Variants in PTK2B observed in about 807,000 individuals in gnomAD.
PTK2B encodes protein tyrosine kinase 2 beta.
A neutral mutation model predicts 142.9 loss-of-function variants in PTK2B; 71 were observed. The observed-to-expected ratio is 0.50, with a 90% CI of 0.41 to 0.61. PTK2B has a LOEUF of 0.61. Ranked by LOEUF, PTK2B falls within the 20% of genes least tolerant of loss-of-function variation. The probability of loss-of-function intolerance (pLI) is 0.00; values close to 1 mark genes in which losing one functional copy is unlikely to be tolerated. For synonymous variants in PTK2B, 519 were observed against 503.4 expected, an observed-to-expected ratio of 1.03 and a Z score of -0.42; for missense variants, 1,105 against 1,320.4, an observed-to-expected ratio of 0.84 and a Z score of 2.53.
chr8:27,318,623 C>G (rs1652931314), intron 3 of PTK2B, among the ~76,000 whole-genome samples: 1 of 152,250 alleles, frequency 6.6e-6, no homozygotes, highest in South Asian at 2.1e-4. Context: ...CATGTGTCCT[C>G]TGTGGCATTG....
intron 13 of PTK2B, 142 bp from the exon 14 acceptor site, chr8:27,435,601 G>A (rs1810720448): frequency 3.1e-6 from 3 of 958,052 alleles, no homozygotes; most frequent in Non-Finnish European, 4.8e-6. Flanking sequence ...TAAAACCTGG[G>A]CTGGGAGCCC....
chr8:27,437,320 C>G, intron 16 of PTK2B, 76 bp from the exon 17 acceptor site: 1 of 1,548,402 alleles, frequency 6.5e-7, no homozygotes, highest in South Asian at 1.1e-5. Flanking sequence ...GTCCTCCCAG[C>G]TAGAAGAGCA....
intron 20 of PTK2B, 117 bp downstream of exon 20, chr8:27,439,515 T>A: frequency 8.7e-7 from 1 of 1,147,008 alleles, no homozygotes; most frequent in Non-Finnish European, 1.3e-6. Context: ...CCCAGGGTTC[T>A]ATTTTGCTGT....
chr8:27,393,446 CAG>C (rs1807844525), intron 1 of PTK2B, among the ~76,000 whole-genome samples: 1 of 151,970 alleles, frequency 6.6e-6, no homozygotes. Context: ...GCTCTTGAAT[CAG>C]GGGCCAAGGG....
intron 1 of PTK2B, among the ~76,000 whole-genome samples, chr8:27,367,134 A>G (rs528463137): frequency 6.6e-6 from 1 of 152,342 alleles, no homozygotes; most frequent in South Asian, 2.1e-4. Flanking sequence ...TTAAATGTTT[A>G]CTTTCACCAA....
intron 3 of PTK2B, 84 bp from the exon 4 acceptor site, chr8:27,420,573 G>T (rs1395482998): frequency 1.1e-5 from 15 of 1,315,964 alleles, no homozygotes; most frequent in Non-Finnish European, 1.5e-5. Context: ...TAGGGGATGG[G>T]CTTGCTTCTG....
chr8:27,311,057 C>G (rs1312316455), upstream of PTK2B: 1 of 1,597,770 alleles, frequency 6.3e-7, no homozygotes, highest in Non-Finnish European at 8.5e-7. Flanking sequence ...GCGGTCTTTG[C>G]ACACTGGGCA....
intron 1 of PTK2B, among the ~76,000 whole-genome samples, chr8:27,389,660 A>C (rs761103734): frequency 1.3e-5 from 2 of 152,260 alleles, no homozygotes; most frequent in South Asian, 2.1e-4. Context: ...TAAAGTCTCA[A>C]CAAATGCGTT....
At chr8:27,387,731 A>T (rs1184895965) in intron 1 of PTK2B, among the ~76,000 whole-genome samples, 3 of 152,128 alleles carry the variant, frequency 2.0e-5, no homozygotes, top group African/African-American at 7.2e-5. Flanking sequence ...CATAGTGACT[A>T]ACAGTGAATT....
chr8:27,373,807 C>T (rs1806502424), intron 1 of PTK2B, among the ~76,000 whole-genome samples: 1 of 151,912 alleles, frequency 6.6e-6, no homozygotes. Flanking sequence ...TGGTTTAAAG[C>T]AGGAGAGGCC....
upstream of PTK2B, among the ~76,000 whole-genome samples, chr8:27,321,193 G>A (rs1180023986): frequency 6.6e-6 from 1 of 151,470 alleles, no homozygotes; most frequent in African/African-American, 2.4e-5. Flanking sequence ...ATGAAGTCTT[G>A]CCACGTTGGC....
chr8:27,364,312 A>G (rs191175911), intron 1 of PTK2B, among the ~76,000 whole-genome samples: 68 of 152,358 alleles, frequency 4.5e-4, no homozygotes, highest in Non-Finnish European at 7.3e-4. Context: ...TCCTGGGTGA[A>G]TGATGGCCTC....
intron 5 of PTK2B, among the ~76,000 whole-genome samples, chr8:27,423,865 C>T (rs1397139167): frequency 6.6e-6 from 1 of 152,152 alleles, no homozygotes; most frequent in African/African-American, 2.4e-5. Context: ...CATTTCGTGA[C>T]TTTGTCTCAA....
chr8:27,364,851 C>G (rs571095886), intron 1 of PTK2B, among the ~76,000 whole-genome samples: 1 of 152,286 alleles, frequency 6.6e-6, no homozygotes, highest in African/African-American at 2.4e-5. Context: ...CATTATCGCC[C>G]CCATCTTGAG....
rs954179835 is a variant in PTK2B at position 27,458,533 on chromosome 8, G to A, written c.*24G>A. The A allele has an allele frequency of 1.3e-6, 2 of 1,548,024 alleles. No homozygotes were observed. The highest frequency in any genetic ancestry group is 2.7e-5 in the African/African-American group (2 of 73,040). ...GACGGAGGGTGGGGGCCACCTGCCT[G>A]CGTCTTCCGCCCCTGCCTGCCATGT... is the stretch of plus-strand genomic sequence containing the variant. On this transcript the variant is annotated 3_prime_UTR_variant, in exon 31 of 31. Coordinates refer to ENST00000346049, the MANE Select transcript of PTK2B (RefSeq NM_173176.3).
At chr8:27,340,282 T>A (rs970910773) in intron 1 of PTK2B, among the ~76,000 whole-genome samples, 1 of 152,232 alleles carries the variant, frequency 6.6e-6, no homozygotes, top group Non-Finnish European at 1.5e-5. Context: ...CTACCAACTT[T>A]ACCAAGAGGT....
intron 1 of PTK2B, among the ~76,000 whole-genome samples, chr8:27,343,309 T>C (rs1804523740): frequency 6.6e-6 from 1 of 152,206 alleles, no homozygotes; most frequent in South Asian, 2.1e-4. Context: ...GCCCTCCCAC[T>C]GCTCCCTTCC....
At chr8:27,344,046 A>G (rs1407695211) in intron 1 of PTK2B, among the ~76,000 whole-genome samples, 2 of 152,164 alleles carry the variant, frequency 1.3e-5, no homozygotes, top group Admixed American at 1.3e-4. Flanking sequence ...AAATTTTTTC[A>G]TCAGTGCTGT....
rs148936174 is a variant in PTK2B at position 27,384,652 on chromosome 8, G to A, written c.-37-12896G>A. On this transcript the variant is annotated intron_variant, in intron 1 of 30. Transcript: ENST00000346049. Reference sequence around the variant, plus strand: ...ACTATAATAATCAACTTGCTATACAGCTCAAATATATACAATTTCAGTTTA... The same window carrying A: ...ACTATAATAATCAACTTGCTATACAACTCAAATATATACAATTTCAGTTTA... 3.8e-3 allele frequency among the ~76,000 whole-genome samples: 571 copies of A among 152,230 alleles called. 2 individuals carry two copies. Among genetic ancestry groups the A allele is most frequent in the African/African-American group, 0.013 (523 of 41,526 alleles).
Sources: gnomAD v4.1 joint callset for allele counts (sites outside exome capture counted in the v4.1 genomes callset) on GRCh38, gnomAD v4.1.1 for gene constraint, MANE v1.5 for transcripts, NCBI Gene and HGNC (gene_info 2026-07-23, HGNC 2026-07-21) for gene names.